The following DDX54 variants were observed in gnomAD, a reference collection of about 807,000 sequenced individuals.
DDX54 encodes DEAD-box helicase 54.
DDX54 carries 67 observed loss-of-function variants against 105.5 expected under a neutral mutation model. The observed-to-expected ratio is 0.64, with a 90% CI of 0.52 to 0.78. DDX54 has a LOEUF of 0.78. Among genes scored for constraint, DDX54 ranks in the 30% least tolerant of loss-of-function variants. The probability of loss-of-function intolerance (pLI) is 0.00; values close to 1 mark genes in which losing one functional copy is unlikely to be tolerated. For synonymous variants in DDX54, 514 were observed against 509.9 expected (o/e 1.01, Z -0.11); for missense variants, 1,206 against 1,230.5 (o/e 0.98, Z 0.30).
chr12:113,167,331 C>T lies in DDX54; in HGVS notation c.1415-1299G>A, dbSNP rs142454446. Reference sequence around the variant, plus strand: ...GGTCAAGGGCGCAGTGAGCTGTGATCGTGCCACTATACTCTAGCCTGGGTG... The same window carrying T: ...GGTCAAGGGCGCAGTGAGCTGTGATTGTGCCACTATACTCTAGCCTGGGTG... On this transcript the variant is annotated intron_variant, in intron 12 of 19. Transcript: ENST00000306014. Among the ~76,000 whole-genome samples the T allele has an allele frequency of 4.6e-3, 694 of 152,086 alleles. 3 individuals carry two copies. Among genetic ancestry groups the T allele is most frequent in the African/African-American group, 0.016 (678 of 41,482 alleles).
chr12:113,176,437 C>T (rs1593006625), intron 7 of DDX54, among the ~76,000 whole-genome samples: 1 of 152,092 alleles, frequency 6.6e-6, no homozygotes, highest in Non-Finnish European at 1.5e-5. Flanking sequence ...CGTGGTAGCG[C>T]GTACTTGTAA....
Position 113,185,339 on chromosome 12 carries a change from C to A in DDX54, c.113G>T (p.Gly38Val). 1.3e-6 allele frequency: 2 copies of A among 1,586,902 alleles called. No homozygotes were observed. The highest frequency in any genetic ancestry group is 1.7e-6 in the Non-Finnish European group (2 of 1,169,988). The change falls in exon 1 of 20, where the codon GGC (glycine) becomes GTC (valine). Residue 38 changes from glycine (G) to valine (V), a missense_variant. This residue lies in a region of DDX54 where 212 missense variants were observed against 155.4 expected (regional missense o/e 1.36). Transcript: ENST00000306014. Reference sequence around the variant, plus strand: ...AAACTCGCCGTCCTCCGAGTCGCTGCCGCGGGCCTGGGAGGCCGCGCCTCG... The same window carrying A: ...AAACTCGCCGTCCTCCGAGTCGCTGACGCGGGCCTGGGAGGCCGCGCCTCG... ...KRRGAASQAR[G>V]SDSEDGEFEI... is the part of the protein sequence containing the mutation.
Position 113,172,477 on chromosome 12 carries a change from C to T in DDX54, c.1155G>A (p.Thr385=), listed in dbSNP as rs375438393. The part of the protein sequence containing the change: ...TARKINLAKF[T]LGKCSTLIVT... ...CAATGAGAGTGGAGCACTTGCCAAG[C>T]GTGAATTTGGCGAGATTGATCTTGC... The change falls in exon 11 of 20, where the codon ACG becomes ACA. Residue 385 remains threonine, a synonymous_variant. Coordinates refer to ENST00000306014, the MANE Select transcript of DDX54 (RefSeq NM_024072.4). The T allele has an allele frequency of 1.7e-5, 27 of 1,614,114 alleles. No homozygotes were observed. The highest frequency in any genetic ancestry group is 2.2e-5 in the East Asian group (1 of 44,902).
rs563765781 is a variant in DDX54 at position 113,164,038 on chromosome 12, G to A, written c.1938+29C>T. The A allele has an allele frequency of 1.2e-5, 19 of 1,527,760 alleles. No individual in the cohort carries two copies. The African/African-American group carries it at 2.6e-4, about 21-fold the overall frequency. The allele number at this position is 1,527,760 out of a possible 1,614,324, so 94.6% of individuals were successfully genotyped here. A position where few individuals can be genotyped will look rare whatever the true frequency, so the allele number is the denominator to read the frequency against. ...TAGCCACCCCTTCCCCATACCCCAGGTCCAGGGTCCCCAGGGTGGAACCTG... is the reference window on the plus strand; with the variant it reads ...TAGCCACCCCTTCCCCATACCCCAGATCCAGGGTCCCCAGGGTGGAACCTG... On this transcript the variant is annotated intron_variant, in intron 15 of 19. Coordinates refer to ENST00000306014, the MANE Select transcript of DDX54 (RefSeq NM_024072.4).
At chr12:113,165,539 C>A (rs1952260828) in intron 14 of DDX54, 105 bp downstream of exon 14, 1 of 1,259,074 alleles carries the variant, frequency 7.9e-7, no homozygotes, top group Non-Finnish European at 1.1e-6. Flanking sequence ...CAATCTGAGT[C>A]CTGGCACCAC....
In DDX54 at chr12:113,179,309, C is replaced by T; in HGVS notation, c.398G>A (p.Gly133Asp). 6.2e-7 allele frequency: 1 copy of T among 1,613,664 alleles called. No individual in the cohort carries two copies. The highest frequency in any genetic ancestry group is 8.5e-7 in the Non-Finnish European group (1 of 1,180,028). The part of the protein sequence containing the change: ...QRKTIPVILD[G>D]KDVVAMARTG... ...CCGGGCCATGGCCACCACGTCCTTG[C>T]CATCCAAGATCACCGGGATGGTCTG... is the stretch of plus-strand genomic sequence containing the variant. Residue 133 changes from glycine (G) to aspartate (D), a missense_variant, in exon 4 of 20, where the codon GGC becomes GAC. Transcript: ENST00000306014.
chr12:113,176,870 A>G lies in DDX54; in HGVS notation c.722T>C (p.Val241Ala). 1.9e-6 allele frequency: 3 copies of G among 1,614,204 alleles called. No individual in the cohort carries two copies. The highest frequency in any genetic ancestry group is 2.5e-6 in the Non-Finnish European group (3 of 1,180,038). ...AVEMSLKLQSVEYVVFDEADR... is the reference protein window; with the variant it reads ...AVEMSLKLQSAEYVVFDEADR... ...AGCTTCATCGAACACCACGTATTCCACACTCTGCAGCTTCAGGCTCATTTC... is the reference window on the plus strand; with the variant it reads ...AGCTTCATCGAACACCACGTATTCCGCACTCTGCAGCTTCAGGCTCATTTC... Residue 241 changes from valine to alanine, a missense_variant, in exon 7 of 20, where the codon GTG becomes GCG. Physicochemically the swap from Val to Ala is moderately conservative, Grantham distance 64. Coordinates refer to ENST00000306014, the MANE Select transcript of DDX54 (RefSeq NM_024072.4).
intron 7 of DDX54, among the ~76,000 whole-genome samples, chr12:113,175,618 C>T (rs1276891872): frequency 6.6e-6 from 1 of 152,168 alleles, no homozygotes; most frequent in Non-Finnish European, 1.5e-5. Context: ...GAAACCCCGT[C>T]TCTATTAAAA....
chr12:113,168,423 G>C (rs547451351), intron 12 of DDX54, among the ~76,000 whole-genome samples: 1 of 152,224 alleles, frequency 6.6e-6, no homozygotes, highest in African/African-American at 2.4e-5. Context: ...GTGTGCATGC[G>C]GGTAGGCCTG....
At chr12:113,162,850 G>C in intron 17 of DDX54, 82 bp downstream of exon 17, 1 of 1,355,010 alleles carries the variant, frequency 7.4e-7, no homozygotes, top group Non-Finnish European at 9.9e-7. Context: ...CGGCTCACTC[G>C]ATCACTCACC....
In DDX54 at chr12:113,176,906, T is replaced by A. The variant is rs750049816; in HGVS notation, c.686A>T (p.His229Leu). ...IIIATPGRLVHVAVEMSLKLQ... is the reference protein window; with the variant it reads ...IIIATPGRLVLVAVEMSLKLQ... ...CTTCAGGCTCATTTCCACAGCCACA[T>A]GCACCAACCGTCCGGGCGTGGCAAT... Residue 229 changes from histidine to leucine, a missense_variant, in exon 7 of 20, where the codon CAT becomes CTT. This residue lies in a region of DDX54 where 961 missense variants were observed against 1,019.1 expected (regional missense o/e 0.94). Coordinates refer to ENST00000306014, the MANE Select transcript of DDX54 (RefSeq NM_024072.4). The A allele has an allele frequency of 1.9e-6, 3 of 1,614,226 alleles. No individual in the cohort carries two copies. The highest frequency in any genetic ancestry group is 1.3e-5 in the African/African-American group (1 of 75,062).
At chr12:113,184,302 G>C (rs1390497609) in intron 1 of DDX54, among the ~76,000 whole-genome samples, 1 of 151,712 alleles carries the variant, frequency 6.6e-6, no homozygotes, top group Non-Finnish European at 1.5e-5. Context: ...GGCTGATCTT[G>C]AACTCCTGAC....
chr12:113,170,992 T>C (rs1168757748), intron 11 of DDX54, among the ~76,000 whole-genome samples: 1 of 152,258 alleles, frequency 6.6e-6, no homozygotes, highest in Non-Finnish European at 1.5e-5. Flanking sequence ...TTTGTCTCTG[T>C]ATCTTGGGAA....
chr12:113,179,197 G>A lies in DDX54; in HGVS notation c.510C>T (p.Leu170=), dbSNP rs942440037. ...THSAQTGARA[L]ILSPTRELAL... is the part of the protein sequence containing the mutation. Reference sequence around the variant, plus strand: ...CCAGCTCTCGGGTCGGCGAGAGGATGAGGGCGCGGGCCCCGGTCTGGGCAC... The same window carrying A: ...CCAGCTCTCGGGTCGGCGAGAGGATAAGGGCGCGGGCCCCGGTCTGGGCAC... The change falls in exon 4 of 20, where the codon CTC becomes CTT. Residue 170 remains leucine, a synonymous_variant. Coordinates refer to ENST00000306014, the MANE Select transcript of DDX54 (RefSeq NM_024072.4). 1 of 1,614,146 alleles carries A rather than the reference G, an allele frequency of 6.2e-7. No individual in the cohort carries two copies. The highest frequency in any genetic ancestry group is 1.7e-5 in the Admixed American group (1 of 60,022).
intron 12 of DDX54, chr12:113,167,900 C>T: frequency 2.0e-6 from 1 of 507,108 alleles, no homozygotes; most frequent in Admixed American, 2.0e-5. Flanking sequence ...TCCTCCTGCT[C>T]CTGCCTGTCA....
In DDX54 at chr12:113,172,453, A is replaced by C; in HGVS notation, c.1179T>G (p.Ile393Met). 1.2e-6 allele frequency: 2 copies of C among 1,614,236 alleles called. No homozygotes were observed. The highest frequency in any genetic ancestry group is 1.7e-6 in the Non-Finnish European group (2 of 1,180,040). The part of the protein sequence containing the change: ...KFTLGKCSTL[I>M]VTDLAARGLD... ...GGCCTCGGGCGGCCAGGTCAGTCAC[A>C]ATGAGAGTGGAGCACTTGCCAAGCG... The change falls in exon 11 of 20, where the codon ATT (isoleucine) becomes ATG (methionine). Residue 393 changes from isoleucine to methionine, a missense_variant. Physicochemically the swap from Ile to Met is conservative, Grantham distance 10. Transcript: ENST00000306014.
At chr12:113,169,727 T>A (rs1172881175) in intron 12 of DDX54, 43 bp downstream of exon 12, 1 of 1,600,672 alleles carries the variant, frequency 6.2e-7, no homozygotes, top group Admixed American at 1.7e-5. Flanking sequence ...ACAGGGCCCA[T>A]GAACTCCACG....
rs754386507 is a variant in DDX54, at chr12:113,159,093, G to A, written c.2430C>T (p.His810=). ...CTCGGCCTGCAGGGGTGCCTGGGGC[G>A]TGGGGCCGGGATGCACCTGCTGGGA... The part of the protein sequence containing the change: ...RDRGQGASRP[H]APGTPAGRVR... Residue 810 remains histidine (H), a synonymous_variant, in exon 20 of 20, where the codon CAC becomes CAT. Transcript: ENST00000306014. 7.5e-6 allele frequency: 12 copies of A among 1,600,510 alleles called. No individual in the cohort carries two copies. Among genetic ancestry groups the A allele is most frequent in the East Asian group, 4.5e-5 (2 of 44,680 alleles).
chr12:113,175,270 C>G, intron 7 of DDX54, 113 bp from the exon 8 acceptor site: 1 of 1,397,588 alleles, frequency 7.2e-7, no homozygotes, highest in Non-Finnish European at 9.5e-7. Flanking sequence ...TTGCCTCACT[C>G]TAACTCAGCC....
Sources: allele counts gnomAD v4.1 joint callset (sites outside exome capture counted in the v4.1 genomes callset), GRCh38; gene constraint gnomAD v4.1.1; regional missense constraint gnomAD v4.1.1; transcripts MANE v1.5; gene names NCBI Gene and HGNC (gene_info 2026-07-23, HGNC 2026-07-21).